The following RPS6KC1 variants were observed in gnomAD, a reference collection of about 807,000 sequenced individuals.
RPS6KC1 encodes inactive ribosomal protein S6 kinase delta-1.
Under a neutral mutation model 103.8 loss-of-function variants are expected in RPS6KC1, and 54 were observed. The observed-to-expected ratio is 0.52, with a 90% CI of 0.42 to 0.65. The LOEUF (loss-of-function observed/expected upper bound fraction) is 0.65, where lower values mean the gene tolerates loss of function less well. RPS6KC1 is among the 30% of genes least tolerant of loss of function. RPS6KC1 has a pLI of 0.00. For synonymous variants in RPS6KC1, 439 were observed against 438.7 expected, an observed-to-expected ratio of 1.00 and a Z score of -0.01; for missense variants, 1,151 against 1,253.8, an observed-to-expected ratio of 0.92 and a Z score of 1.24.
At chr1:213,174,392 G>A (rs764704877) in intron 7 of RPS6KC1, among the ~76,000 whole-genome samples, 2 of 152,148 alleles carry the variant, frequency 1.3e-5, no homozygotes, top group African/African-American at 2.4e-5. Context: ...TCTACTGGCC[G>A]GGTGTGCTGG....
the RPS6KC1 span, among the ~76,000 whole-genome samples, chr1:213,709,233 G>C: frequency 6.6e-6 from 1 of 152,040 alleles, no homozygotes; most frequent in African/African-American, 2.4e-5. Flanking sequence ...TCAGAACTTG[G>C]TATTGATCTA....
chr1:213,457,398 C>G, the RPS6KC1 span, among the ~76,000 whole-genome samples: 1 of 152,240 alleles, frequency 6.6e-6, no homozygotes, highest in African/African-American at 2.4e-5. Flanking sequence ...AGGCCTATGG[C>G]AGGTGAAGCT....
chr1:213,116,858 T>C (rs1431999446), intron 4 of RPS6KC1, among the ~76,000 whole-genome samples: 1 of 152,196 alleles, frequency 6.6e-6, no homozygotes, highest in South Asian at 2.1e-4. Flanking sequence ...AATTCTTTTC[T>C]TTAAGAATGT....
the RPS6KC1 span, among the ~76,000 whole-genome samples, chr1:213,825,669 C>G: frequency 6.7e-6 from 1 of 150,304 alleles, no homozygotes; most frequent in Non-Finnish European, 1.5e-5. Flanking sequence ...TGCCAAGCAC[C>G]AGTGAACTTC....
At chr1:213,603,807 C>T in the RPS6KC1 span, among the ~76,000 whole-genome samples, 1 of 151,952 alleles carries the variant, frequency 6.6e-6, no homozygotes, top group Non-Finnish European at 1.5e-5. Context: ...TTGCAGTGAA[C>T]TGAGATTGCC....
chr1:213,566,436 A>AGTTTTTTTT, the RPS6KC1 span, among the ~76,000 whole-genome samples: 9 of 25,760 alleles, frequency 3.5e-4, no homozygotes, highest in Admixed American at 8.8e-4. Context: ...CTCAGCCTTT[A>AGTTTTTTTT]GTTTTTTTTT....
the RPS6KC1 span, among the ~76,000 whole-genome samples, chr1:213,598,362 T>C: frequency 6.6e-6 from 1 of 152,328 alleles, no homozygotes; most frequent in South Asian, 2.1e-4. Flanking sequence ...AACCTGTTTT[T>C]AACTCATCTA....
intron 3 of RPS6KC1, among the ~76,000 whole-genome samples, chr1:213,092,832 C>T (rs2148670210): frequency 6.6e-6 from 1 of 152,108 alleles, no homozygotes; most frequent in African/African-American, 2.4e-5. Flanking sequence ...GTGTATGTAA[C>T]CTCTGAGGGA....
chr1:213,424,365 T>C, the RPS6KC1 span, among the ~76,000 whole-genome samples: 1 of 152,208 alleles, frequency 6.6e-6, no homozygotes, highest in Non-Finnish European at 1.5e-5. Context: ...AGGGAACATC[T>C]ACACACATGA....
At chr1:213,290,969 C>T in the RPS6KC1 span, among the ~76,000 whole-genome samples, 1 of 152,152 alleles carries the variant, frequency 6.6e-6, no homozygotes, top group East Asian at 1.9e-4. Context: ...CCTTCAATTT[C>T]CACCAGGACT....
chr1:213,513,041 T>C, the RPS6KC1 span, among the ~76,000 whole-genome samples: 1 of 152,212 alleles, frequency 6.6e-6, no homozygotes, highest in Non-Finnish European at 1.5e-5. Flanking sequence ...AAAGGGACTT[T>C]ATGGGTGAGA....
At chr1:213,845,295 T>C in the RPS6KC1 span, among the ~76,000 whole-genome samples, 2 of 152,158 alleles carry the variant, frequency 1.3e-5, no homozygotes, top group African/African-American at 4.8e-5. Flanking sequence ...ATTTAACTGG[T>C]TGTCTTAAAA....
chr1:213,509,275 G>C, the RPS6KC1 span, among the ~76,000 whole-genome samples: 1 of 151,982 alleles, frequency 6.6e-6, no homozygotes, highest in Non-Finnish European at 1.5e-5. Flanking sequence ...GCCCCTTGGG[G>C]GTTCTGTCTT....
the RPS6KC1 span, among the ~76,000 whole-genome samples, chr1:213,289,120 T>A: frequency 6.6e-6 from 1 of 152,056 alleles, no homozygotes; most frequent in African/African-American, 2.4e-5. Context: ...CTCACATGCC[T>A]GGCATCAGGT....
chr1:213,708,553 G>A, the RPS6KC1 span, among the ~76,000 whole-genome samples: 3 of 152,066 alleles, frequency 2.0e-5, no homozygotes, highest in African/African-American at 7.2e-5. Context: ...TCTTTCTCTT[G>A]CCTGATTACC....
At chr1:213,663,196 T>C in the RPS6KC1 span, among the ~76,000 whole-genome samples, 5 of 152,362 alleles carry the variant, frequency 3.3e-5, no homozygotes, top group Admixed American at 6.5e-5. Context: ...GGTTACCTGT[T>C]ATTGCTCTTA....
the RPS6KC1 span, among the ~76,000 whole-genome samples, chr1:213,700,206 A>C: frequency 6.6e-6 from 1 of 151,462 alleles, no homozygotes; most frequent in Non-Finnish European, 1.5e-5. Context: ...TCATTCGTTC[A>C]TTTTTTATTT....
At chr1:213,633,766 C>T in the RPS6KC1 span, among the ~76,000 whole-genome samples, 914 of 150,132 alleles carry the variant, frequency 6.1e-3, 3 homozygotes, top group African/African-American at 0.021. Flanking sequence ...TTGGATAAAG[C>T]GTCAAGACCC....
At chr1:213,675,472 G>A in the RPS6KC1 span, among the ~76,000 whole-genome samples, 1 of 152,186 alleles carries the variant, frequency 6.6e-6, no homozygotes, top group African/African-American at 2.4e-5. Flanking sequence ...GGGGTCCAGT[G>A]TTATTCTTTC....
Sources: gnomAD v4.1 joint callset for allele counts (sites outside exome capture counted in the v4.1 genomes callset) on GRCh38, gnomAD v4.1.1 for gene constraint, MANE v1.5 for transcripts, NCBI Gene and HGNC (gene_info 2026-07-23, HGNC 2026-07-21) for gene names.